Variants in PARP8 observed in about 807,000 individuals in gnomAD.
PARP8 encodes the protein protein mono-ADP-ribosyltransferase PARP8.
A neutral mutation model predicts 124.1 loss-of-function variants in PARP8; 51 were observed. The ratio of observed to expected loss-of-function variants is 0.41; its 90% CI spans 0.33 to 0.52. The LOEUF is 0.52. Ranked by LOEUF, PARP8 falls within the 20% of genes least tolerant of loss-of-function variation. The pLI, the probability that PARP8 is intolerant of heterozygous loss-of-function variation, is 0.21. For synonymous variants in PARP8, 391 were observed against 361.5 expected, an observed-to-expected ratio of 1.08 and a Z score of -0.93; for missense variants, 860 against 1,018.9, an observed-to-expected ratio of 0.84 and a Z score of 2.12.
At chr5:50,714,522 G>A (rs1454297110) in intron 2 of PARP8, among the ~76,000 whole-genome samples, 2 of 152,042 alleles carry the variant, frequency 1.3e-5, no homozygotes, top group African/African-American at 4.8e-5. Flanking sequence ...CGTCATCTAG[G>A]TTTTAAGCCC....
At chr5:50,726,818 C>T (rs1404590975) in intron 2 of PARP8, among the ~76,000 whole-genome samples, 1 of 152,110 alleles carries the variant, frequency 6.6e-6, no homozygotes, top group Non-Finnish European at 1.5e-5. Flanking sequence ...ATTCTGCTTG[C>T]TTCTAAAGCA....
chr5:50,722,914 C>T (rs553668638), intron 2 of PARP8, among the ~76,000 whole-genome samples: 2 of 152,184 alleles, frequency 1.3e-5, no homozygotes, highest in African/African-American at 2.4e-5. Flanking sequence ...ATTAACTTCT[C>T]TAATTGTGTT....
intron 9 of PARP8, among the ~76,000 whole-genome samples, chr5:50,780,566 T>G (rs1740554983): frequency 6.6e-6 from 1 of 152,210 alleles, no homozygotes; most frequent in Non-Finnish European, 1.5e-5. Context: ...CGTGGTTTTA[T>G]AAATATTTTA....
chr5:50,770,028 T>C (rs920780862), intron 7 of PARP8, among the ~76,000 whole-genome samples: 1 of 152,134 alleles, frequency 6.6e-6, no homozygotes, highest in Non-Finnish European at 1.5e-5. Flanking sequence ...TCTATTTTCT[T>C]AAAAATATCA....
At chr5:50,682,885 T>A (rs569347487) in intron 2 of PARP8, among the ~76,000 whole-genome samples, 1 of 152,058 alleles carries the variant, frequency 6.6e-6, no homozygotes, top group East Asian at 1.9e-4. Context: ...TAACGTTTTT[T>A]CCCCCCTTCC....
At chr5:50,776,341 T>C (rs991943092) in intron 7 of PARP8, among the ~76,000 whole-genome samples, 1 of 152,196 alleles carries the variant, frequency 6.6e-6, no homozygotes, top group African/African-American at 2.4e-5. Flanking sequence ...TATTGGCTTG[T>C]AGTTTTCTTT....
chr5:50,822,546 A>T (rs1745883738), intron 17 of PARP8, 146 bp downstream of exon 17: 4 of 617,302 alleles, frequency 6.5e-6, no homozygotes, highest in Admixed American at 2.9e-5. Flanking sequence ...ACATCAGTGT[A>T]CTAGCATGTA....
chr5:50,757,747 T>C (rs1238845310), intron 3 of PARP8, among the ~76,000 whole-genome samples: 1 of 152,186 alleles, frequency 6.6e-6, no homozygotes, highest in African/African-American at 2.4e-5. Flanking sequence ...GAAAATCCTT[T>C]CTATTTAGTT....
chr5:50,798,423 T>G (rs1400455434), intron 14 of PARP8, among the ~76,000 whole-genome samples: 1 of 149,108 alleles, frequency 6.7e-6, no homozygotes, highest in Non-Finnish European at 1.5e-5. Flanking sequence ...CTATTTTTTT[T>G]GTTTTTTTTT....
chr5:50,828,234 A>T, intron 20 of PARP8, 78 bp from the exon 21 acceptor site: 1 of 1,419,876 alleles, frequency 7.0e-7, no homozygotes, highest in South Asian at 1.2e-5. Flanking sequence ...AGAAGGCACC[A>T]TGACTTATTA....
chr5:50,716,788 T>A (rs904345977), intron 2 of PARP8, among the ~76,000 whole-genome samples: 15 of 152,120 alleles, frequency 9.9e-5, no homozygotes, highest in Non-Finnish European at 1.8e-4. Context: ...AGCTAATGCC[T>A]ACATAACATT....
At chr5:50,737,927 AC>A (rs1159566896) in intron 2 of PARP8, among the ~76,000 whole-genome samples, 1 of 152,234 alleles carries the variant, frequency 6.6e-6, no homozygotes, top group African/African-American at 2.4e-5. Flanking sequence ...AGATTTAAGC[AC>A]AGTGCCCTTA....
rs1757770090 is a variant in PARP8, at chr5:50,739,175, A to G, written c.147-10976A>G. The G allele has an allele frequency of 9.2e-6, 6 of 655,382 alleles. No homozygotes were observed. In the Admixed American group the frequency reaches 1.0e-4, roughly 11 times the overall value. 40.6% of individuals were successfully genotyped at this position (655,382 alleles called of 1,614,324 possible). On this transcript the variant is annotated intron_variant, in intron 2 of 25. Coordinates refer to ENST00000281631, the MANE Select transcript of PARP8 (RefSeq NM_024615.4). ...CCAAAGTGTAGGACACAGGCTAGGTAACTCCTTTCCTTCCATTGCAGGGGG... is the reference window on the plus strand; with the variant it reads ...CCAAAGTGTAGGACACAGGCTAGGTGACTCCTTTCCTTCCATTGCAGGGGG...
chr5:50,821,251 G>A lies in PARP8; in HGVS notation c.1707G>A (p.Leu569=). 1 of 1,613,828 alleles carries A rather than the reference G, an allele frequency of 6.2e-7. No homozygotes were observed. The highest frequency in any genetic ancestry group is 1.1e-5 in the South Asian group (1 of 91,062). Residue 569 remains leucine, a synonymous_variant, in exon 16 of 26, where the codon TTG becomes TTA. Transcript: ENST00000281631. The part of the protein sequence containing the change: ...DLLVSMCRSA[L]ESPRKVVIFE... ...TAGTATCCATGTGTAGGTCTGCGTT[G>A]GAATCTCCTAGAAAAGTTGTGATTT...
chr5:50,791,393 G>A (rs565136974), intron 10 of PARP8, among the ~76,000 whole-genome samples: 1 of 152,220 alleles, frequency 6.6e-6, no homozygotes, highest in South Asian at 2.1e-4. Flanking sequence ...GTCACACAGC[G>A]AGAAAGTGAT....
intron 3 of PARP8, among the ~76,000 whole-genome samples, chr5:50,754,332 C>T (rs978860150): frequency 6.6e-6 from 1 of 151,566 alleles, no homozygotes; most frequent in South Asian, 2.1e-4. Context: ...TCCCTCCCCC[C>T]AGCCTCCCAC....
At chr5:50,717,737 G>C (rs991236385) in intron 2 of PARP8, among the ~76,000 whole-genome samples, 5 of 151,944 alleles carry the variant, frequency 3.3e-5, no homozygotes, top group African/African-American at 1.2e-4. Flanking sequence ...CAACAAAAGT[G>C]TTTTGATAAA....
chr5:50,681,991 G>C (rs1751346195), intron 2 of PARP8, among the ~76,000 whole-genome samples: 1 of 152,128 alleles, frequency 6.6e-6, no homozygotes, highest in African/African-American at 2.4e-5. Flanking sequence ...ATATATTTTT[G>C]GTTGGTTTAA....
chr5:50,826,772 G>T lies in PARP8; in HGVS notation c.1946G>T (p.Arg649Ile). ...PLLQWVISSNRSHIVKLPVNR... is the reference protein window; with the variant it reads ...PLLQWVISSNISHIVKLPVNR... The stretch of plus-strand genomic sequence containing the variant: ...AATTTCAGGGTTATATCAAGTAATA[G>T]ATCACATATTGTGAAACTGCCAGTT... Residue 649 changes from arginine to isoleucine, a missense_variant, in exon 19 of 26, where the codon AGA becomes ATA. Arg to Ile is a moderately conservative substitution (Grantham distance 97, BLOSUM62 -3). Coordinates refer to ENST00000281631, the MANE Select transcript of PARP8 (RefSeq NM_024615.4). 6.3e-7 allele frequency: 1 copy of T among 1,587,252 alleles called. No homozygotes were observed. Among genetic ancestry groups the T allele is most frequent in the Non-Finnish European group, 8.5e-7 (1 of 1,171,576 alleles).
Sources: gnomAD v4.1 joint callset for allele counts (sites outside exome capture counted in the v4.1 genomes callset) on GRCh38, gnomAD v4.1.1 for gene constraint, MANE v1.5 for transcripts, NCBI Gene and HGNC (gene_info 2026-07-23, HGNC 2026-07-21) for gene names.